AGTPBP1: variants seen among roughly 807,000 people sequenced by gnomAD.
The protein encoded by AGTPBP1 is cytosolic carboxypeptidase 1.
Under a neutral mutation model 143.9 loss-of-function variants are expected in AGTPBP1, and 70 were observed. That is an observed-to-expected ratio of 0.49 (90% CI 0.40 to 0.59). The LOEUF (loss-of-function observed/expected upper bound fraction) is 0.59, where lower values mean the gene tolerates loss of function less well. AGTPBP1 is among the 20% of genes least tolerant of loss of function. The pLI is 0.00. For missense variants in AGTPBP1, 1,229 were observed against 1,464.5 expected (o/e 0.84, Z 2.62); for synonymous variants, 463 against 500.2 (o/e 0.93, Z 0.99).
the AGTPBP1 span, among the ~76,000 whole-genome samples, chr9:85,794,534 T>C: frequency 5.3e-5 from 8 of 152,212 alleles, no homozygotes; most frequent in Non-Finnish European, 4.4e-5. Flanking sequence ...TATGACAGAC[T>C]GTACCACACT....
intron 4 of AGTPBP1, among the ~76,000 whole-genome samples, chr9:85,679,469 G>T (rs578228448): frequency 8.6e-5 from 13 of 151,858 alleles, no homozygotes; most frequent in Non-Finnish European, 1.3e-4. Context: ...GTGCAGTGGC[G>T]CAATCTCGGC....
the AGTPBP1 span, among the ~76,000 whole-genome samples, chr9:85,755,742 G>C: frequency 2.0e-5 from 3 of 152,286 alleles, no homozygotes; most frequent in Admixed American, 6.5e-5. Flanking sequence ...TGCTGTGATG[G>C]AACTGTGCAG....
the AGTPBP1 span, among the ~76,000 whole-genome samples, chr9:85,773,345 TTTTTTG>T: frequency 7.5e-6 from 1 of 132,636 alleles, no homozygotes; most frequent in African/African-American, 2.9e-5. Context: ...TTTTTTTTTT[TTTTTTG>T]CGGCGGAGTT....
intron 25 of AGTPBP1, among the ~76,000 whole-genome samples, chr9:85,570,900 C>T (rs919527626): frequency 5.9e-5 from 9 of 152,166 alleles, no homozygotes; most frequent in Non-Finnish European, 5.9e-5. Context: ...TAGTTACACA[C>T]AGGCAGGTTG....
At chr9:85,728,025 T>TTATA (rs1183079145) in intron 1 of AGTPBP1, among the ~76,000 whole-genome samples, 2,128 of 80,364 alleles carry the variant, frequency 0.026, 79 homozygotes, top group African/African-American at 0.1. Flanking sequence ...AAATATATAT[T>TTATA]TATATACACA....
rs747462752 is a variant in AGTPBP1 at position 85,655,139 on chromosome 9, C to T, written c.1087+4G>A. 1.4e-5 allele frequency: 22 copies of T among 1,604,010 alleles called. 1 individual carries two copies. In the South Asian group the frequency reaches 2.5e-4, roughly 18 times the overall value. On this transcript the variant is annotated splice_donor_region_variant and intron_variant, in intron 11 of 25. Coordinates refer to ENST00000357081, the MANE Select transcript of AGTPBP1 (RefSeq NM_001330701.2). ...AAAAAGCAGCAGTGACCCTGTGATC[C>T]TACCTTCAGGAGGTAAGCTGTAGAG...
chr9:85,731,953 TA>T (rs1838911074), intron 1 of AGTPBP1, among the ~76,000 whole-genome samples: 1 of 152,202 alleles, frequency 6.6e-6, no homozygotes, highest in African/African-American at 2.4e-5. Flanking sequence ...CAGATACTTA[TA>T]AAAAGTCTAA....
intron 1 of AGTPBP1, among the ~76,000 whole-genome samples, chr9:85,734,133 G>T (rs577583891): frequency 2.0e-4 from 31 of 152,118 alleles, no homozygotes; most frequent in African/African-American, 7.2e-4. Context: ...CGTGTCTGTA[G>T]TCCCAGCTAC....
chr9:85,793,361 C>T, the AGTPBP1 span: 1 of 152,140 alleles, frequency 6.6e-6, no homozygotes, highest in Non-Finnish European at 1.5e-5. Flanking sequence ...AATCAGTCCT[C>T]ATTTAGCATC....
chr9:85,709,891 A>C (rs917328388), intron 2 of AGTPBP1, among the ~76,000 whole-genome samples: 3 of 152,154 alleles, frequency 2.0e-5, no homozygotes, highest in Non-Finnish European at 2.9e-5. Context: ...TTAAATTGCC[A>C]CCTACTGCCA....
chr9:85,672,601 G>C lies in AGTPBP1; in HGVS notation c.517C>G (p.His173Asp), dbSNP rs766225694. 6.2e-7 allele frequency: 1 copy of C among 1,613,244 alleles called. No individual in the cohort carries two copies. Among genetic ancestry groups the C allele is most frequent in the Non-Finnish European group, 8.5e-7 (1 of 1,179,842 alleles). The change falls in exon 7 of 26, where the codon CAT (histidine) becomes GAT (aspartate). Residue 173 changes from histidine to aspartate, a missense_variant. Physicochemically the swap from His to Asp is moderately conservative, Grantham distance 81 (BLOSUM62 -1). Around this residue, in one of 2 missense-constraint regions of AGTPBP1, gnomAD observed 743 missense variants for 812.2 expected, o/e 0.91. Transcript: ENST00000357081. ...TGAAGGCAAGGTAGAACCAAGCGAT[G>C]ATTCTGCAAATTCTGCTTGACCAAA... The part of the protein sequence containing the change: ...LNLVKQNLQN[H>D]RLVLPCLQLL...
At chr9:85,647,677 G>C (rs1832903218) in intron 11 of AGTPBP1, among the ~76,000 whole-genome samples, 1 of 152,184 alleles carries the variant, frequency 6.6e-6, no homozygotes, top group African/African-American at 2.4e-5. Context: ...TCACAGAATA[G>C]GTGATATTTA....
chr9:85,589,423 T>A (rs888475193), intron 20 of AGTPBP1, 105 bp downstream of exon 20: 76 of 1,405,450 alleles, frequency 5.4e-5, no homozygotes, highest in Non-Finnish European at 6.7e-5. Flanking sequence ...AGAGCCCAAG[T>A]CTTCTGATGT....
chr9:85,801,951 T>C, the AGTPBP1 span, among the ~76,000 whole-genome samples: 9,791 of 152,202 alleles, frequency 0.064, 1,032 homozygotes, highest in African/African-American at 0.22. Flanking sequence ...TATGTATGTA[T>C]GTATGTATAA....
the AGTPBP1 span, among the ~76,000 whole-genome samples, chr9:85,749,635 T>C: frequency 6.6e-6 from 1 of 152,086 alleles, no homozygotes; most frequent in Admixed American, 6.6e-5. Context: ...ACTCCTGAAA[T>C]TGTGGGTGGT....
At chr9:85,782,595 C>T in the AGTPBP1 span, among the ~76,000 whole-genome samples, 1 of 152,164 alleles carries the variant, frequency 6.6e-6, no homozygotes, top group African/African-American at 2.4e-5. Flanking sequence ...AGCCCTCAAA[C>T]TCAGGATAGG....
At chr9:85,559,999 C>T (rs1171979235) in intron 25 of AGTPBP1, among the ~76,000 whole-genome samples, 9 of 152,122 alleles carry the variant, frequency 5.9e-5, no homozygotes, top group African/African-American at 1.7e-4. Flanking sequence ...AATTCCTTGG[C>T]GTGATAGTGT....
At chr9:85,696,243 A>G (rs1836230588) in intron 2 of AGTPBP1, among the ~76,000 whole-genome samples, 1 of 152,212 alleles carries the variant, frequency 6.6e-6, no homozygotes, top group Non-Finnish European at 1.5e-5. Flanking sequence ...TTGAGCTTTC[A>G]AGCAAAAATT....
At position 85,689,925 on chromosome 9, in the gene AGTPBP1, A is replaced by AATATATATAT. The variant is rs1554726691; in HGVS notation, c.157+2754_157+2763dup. ...AAAAAAAAAAAAAAAAAAAAAAAAAAATATATATATATATATATATATCTT... is the reference window on the plus strand; with the variant it reads ...AAAAAAAAAAAAAAAAAAAAAAAAAAATATATATATATATATATATATATATATATATCTT... On this transcript the variant is annotated intron_variant, in intron 3 of 25. Coordinates refer to ENST00000357081, the MANE Select transcript of AGTPBP1 (RefSeq NM_001330701.2). 3.3e-3 allele frequency among the ~76,000 whole-genome samples: 241 copies of AATATATATAT among 72,442 alleles called. 1 individual carries two copies. Among genetic ancestry groups the AATATATATAT allele is most frequent in the African/African-American group, 3.9e-3 (57 of 14,502 alleles). The allele number at this position is 72,442 out of a possible 152,430, so 47.5% of individuals were successfully genotyped here.
Sources: gnomAD v4.1 joint callset for allele counts (sites outside exome capture counted in the v4.1 genomes callset) on GRCh38, gnomAD v4.1.1 for gene constraint, gnomAD v4.1.1 regional missense constraint, MANE v1.5 for transcripts, NCBI Gene and HGNC (gene_info 2026-07-23, HGNC 2026-07-21) for gene names.